AJAP1: variants seen among roughly 807,000 people sequenced by gnomAD.
AJAP1 encodes adherens junction-associated protein 1.
In AJAP1, 5 loss-of-function variants were observed where a neutral mutation model predicts 35.0. That is an observed-to-expected ratio of 0.14 (90% confidence interval 0.07 to 0.30). The LOEUF is 0.30. Ranked by LOEUF, AJAP1 falls within the 10% of genes least tolerant of loss-of-function variation. The pLI is 1.00. For missense variants in AJAP1, 586 were observed against 571.0 expected (o/e 1.03, Z -0.27); for synonymous variants, 284 against 249.3 (o/e 1.14, Z -1.31).
chr1:4,682,871 GTGA>G (rs992632470), intron 1 of AJAP1, among the ~76,000 whole-genome samples: 2 of 151,476 alleles, frequency 1.3e-5, no homozygotes, highest in Admixed American at 6.6e-5. Flanking sequence ...GATGGTGATT[GTGA>G]TGATGATGTT....
At chr1:4,669,506 C>T (rs1639205446) in intron 1 of AJAP1, among the ~76,000 whole-genome samples, 3 of 152,092 alleles carry the variant, frequency 2.0e-5, no homozygotes, top group Admixed American at 2.0e-4. Context: ...GCTTATAAAA[C>T]CATCAGATCT....
intron 1 of AJAP1, among the ~76,000 whole-genome samples, chr1:4,682,920 T>A (rs1247134646): frequency 6.6e-6 from 1 of 152,102 alleles, no homozygotes; most frequent in Non-Finnish European, 1.5e-5. Flanking sequence ...ATGGTGATGA[T>A]GGTGATAATG....
chr1:4,688,315 G>A (rs1364090518), intron 1 of AJAP1, among the ~76,000 whole-genome samples: 2 of 152,150 alleles, frequency 1.3e-5, no homozygotes, highest in Admixed American at 1.3e-4. Context: ...AGTGAGAGAG[G>A]GAGAGAGAGA....
At chr1:4,661,657 A>AAAC (rs767050977) in intron 1 of AJAP1, among the ~76,000 whole-genome samples, 125 of 152,348 alleles carry the variant, frequency 8.2e-4, no homozygotes, top group African/African-American at 2.1e-3. Context: ...CAAAATTTTC[A>AAAC]AACAACAACA....
At chr1:4,660,567 C>T (rs889161845) in intron 1 of AJAP1, among the ~76,000 whole-genome samples, 3 of 152,148 alleles carry the variant, frequency 2.0e-5, no homozygotes, top group African/African-American at 4.8e-5. Context: ...AAGAAACAAA[C>T]TAACATTCTC....
intron 2 of AJAP1, among the ~76,000 whole-genome samples, chr1:4,758,646 A>T (rs1036224933): frequency 1.3e-5 from 2 of 152,192 alleles, no homozygotes; most frequent in Non-Finnish European, 2.9e-5. Context: ...AGTGGGGATT[A>T]TGGGGCTTAC....
At chr1:4,758,521 G>A (rs1641490074) in intron 2 of AJAP1, among the ~76,000 whole-genome samples, 1 of 152,160 alleles carries the variant, frequency 6.6e-6, no homozygotes, top group Non-Finnish European at 1.5e-5. Flanking sequence ...AGCGGGGAAA[G>A]AGCCCCTTAT....
chr1:4,665,106 C>T (rs1639087462), intron 1 of AJAP1, among the ~76,000 whole-genome samples: 1 of 152,032 alleles, frequency 6.6e-6, no homozygotes, highest in African/African-American at 2.4e-5. Flanking sequence ...CCCCACCCCC[C>T]TCTTTTTTGT....
chr1:4,758,674 G>C lies in AJAP1; in HGVS notation c.830-11179G>C, dbSNP rs564073998. On this transcript the variant is annotated intron_variant, in intron 2 of 5. Transcript: ENST00000378191. ...GGGCTTACAATTCAAGATGAGATTT[G>C]GGTGGGGACACAAAACCTAACCATC... Among the ~76,000 whole-genome samples, 117 of 152,302 alleles carry C rather than the reference G, an allele frequency of 7.7e-4. 5 individuals are homozygous for C. In the South Asian group the frequency reaches 0.023, roughly 30 times the overall value.
intron 1 of AJAP1, among the ~76,000 whole-genome samples, chr1:4,666,388 G>A (rs998129326): frequency 1.3e-5 from 2 of 152,192 alleles, no homozygotes; most frequent in African/African-American, 4.8e-5. Flanking sequence ...CAGGACTGGA[G>A]CCATCTAGGG....
In AJAP1 at chr1:4,782,485, A is replaced by G. The variant is rs181313115; in HGVS notation, c.*60-60A>G. Reference sequence around the variant, plus strand: ...GGTCCCAGTCGACCGAGAACCCCACAGACTTGTCGCGCCCTCGGCGTGCTG... The same window carrying G: ...GGTCCCAGTCGACCGAGAACCCCACGGACTTGTCGCGCCCTCGGCGTGCTG... On this transcript the variant is annotated intron_variant, in intron 5 of 5. Coordinates refer to ENST00000378191, the MANE Select transcript of AJAP1 (RefSeq NM_018836.4). The surrounding 1 kb of genome is among the most constrained non-coding windows in gnomAD (Gnocchi z 5.3). 127 of 319,680 alleles carry G rather than the reference A, an allele frequency of 4.0e-4. 2 individuals are homozygous for G. Among genetic ancestry groups the G allele is most frequent in the African/African-American group, 2.4e-3 (114 of 47,356 alleles). 19.8% of individuals were successfully genotyped at this position (319,680 alleles called of 1,614,324 possible).
chr1:4,782,034 A>G lies in AJAP1; in HGVS notation c.*60-511A>G, dbSNP rs1030901708. On this transcript the variant is annotated intron_variant, in intron 5 of 5. Coordinates refer to ENST00000378191, the MANE Select transcript of AJAP1 (RefSeq NM_018836.4). This position sits in a 1 kb window ranked among gnomAD's most constrained non-coding sequence, Gnocchi z 5.3. ...GATGCAGTCCATTTATCTCTCCCGA[A>G]TTCTGGCCTCGGGGATCCTGCAGCT... 1.3e-5 allele frequency among the ~76,000 whole-genome samples: 2 copies of G among 152,136 alleles called. No individual in the cohort carries two copies. Among genetic ancestry groups the G allele is most frequent in the East Asian group, 3.9e-4 (2 of 5,180 alleles).
At position 4,783,565 on chromosome 1, in the gene AJAP1, G is replaced by A. The variant is rs575385392; in HGVS notation, c.*1080G>A. 3.8e-5 allele frequency: 5 copies of A among 129,984 alleles called. No homozygotes were observed. The East Asian group carries it at 1.1e-3, about 28-fold the overall frequency. 8.1% of individuals were successfully genotyped at this position (129,984 alleles called of 1,614,324 possible). A position where few individuals can be genotyped will look rare whatever the true frequency, so the allele number is the denominator to read the frequency against. ...TATATGTTTGTGTGTGTATATATAT[G>A]TTTGTGTATATATATACACATATGC... On this transcript the variant is annotated 3_prime_UTR_variant, in exon 6 of 6. Coordinates refer to ENST00000378191, the MANE Select transcript of AJAP1 (RefSeq NM_018836.4).
chr1:4,758,945 G>T (rs1641502115), intron 2 of AJAP1, among the ~76,000 whole-genome samples: 1 of 152,202 alleles, frequency 6.6e-6, no homozygotes, highest in African/African-American at 2.4e-5. Flanking sequence ...CAGGCTTTCT[G>T]TGCACTCTGC....
At chr1:4,747,795 C>A (rs138855189) in intron 2 of AJAP1, among the ~76,000 whole-genome samples, 1 of 152,054 alleles carries the variant, frequency 6.6e-6, no homozygotes, top group East Asian at 1.9e-4. Flanking sequence ...TAAGACCAGC[C>A]TGGTCAACAT....
intron 2 of AJAP1, among the ~76,000 whole-genome samples, chr1:4,717,915 G>A (rs1362145756): frequency 2.0e-5 from 3 of 152,198 alleles, no homozygotes; most frequent in African/African-American, 7.2e-5. Flanking sequence ...TTTGCTACCA[G>A]GGAAGTGAAT....
intron 2 of AJAP1, among the ~76,000 whole-genome samples, chr1:4,732,638 G>A (rs1256247385): frequency 1.3e-5 from 2 of 152,396 alleles, no homozygotes; most frequent in East Asian, 3.9e-4. Context: ...CACTGTGCCT[G>A]TGCAGGCAGG....
intron 2 of AJAP1, among the ~76,000 whole-genome samples, chr1:4,714,549 G>T (rs1445938887): frequency 6.6e-6 from 1 of 152,172 alleles, no homozygotes; most frequent in Admixed American, 6.5e-5. Context: ...GGACAGCGTT[G>T]TAGGCTTAGC....
chr1:4,738,423 G>A (rs1640980656), intron 2 of AJAP1, among the ~76,000 whole-genome samples: 1 of 152,258 alleles, frequency 6.6e-6, no homozygotes, highest in African/African-American at 2.4e-5. Context: ...TGAACAAGGG[G>A]AGGGTGATTA....
Sources: allele counts gnomAD v4.1 joint callset (sites outside exome capture counted in the v4.1 genomes callset), GRCh38; gene constraint gnomAD v4.1.1; non-coding constraint Gnocchi (gnomAD v3.1); transcripts MANE v1.5; gene names NCBI Gene and HGNC (gene_info 2026-07-23, HGNC 2026-07-21).